Variants in TCP11L1 observed in about 807,000 individuals in gnomAD.
TCP11L1 encodes the protein T-complex protein 11-like protein 1.
In TCP11L1, 28 loss-of-function variants were observed where a neutral mutation model predicts 48.9. The ratio of observed to expected loss-of-function variants is 0.57; its 90% CI spans 0.42 to 0.78. The LOEUF is 0.78. Ranked by LOEUF, TCP11L1 falls within the 30% of genes least tolerant of loss-of-function variation. The pLI is 0.00. For synonymous variants in TCP11L1, 204 were observed against 231.9 expected (o/e 0.88, Z 1.09); for missense variants, 505 against 613.4 (o/e 0.82, Z 1.87).
chr11:33,054,062 C>T (rs113511872), intron 2 of TCP11L1, among the ~76,000 whole-genome samples: 5 of 152,088 alleles, frequency 3.3e-5, no homozygotes, highest in African/African-American at 9.7e-5. Context: ...AATGATCTCT[C>T]GCCTCGGCCT....
rs1249840187 is a variant in TCP11L1, at chr11:33,044,310, ATGTG to A, written c.163+375_163+378del. 2.7e-5 allele frequency among the ~76,000 whole-genome samples: 4 copies of A among 150,124 alleles called. No homozygotes were observed. In the East Asian group the frequency reaches 6.4e-4, roughly 24 times the overall value. On this transcript the variant is annotated intron_variant, in intron 2 of 9. Transcript: ENST00000334274. ...CTGTGCTTGTGCAGGTTAAAAAAAA[ATGTG>A]AGTAAGTTCACCACACCCTAATTCT...
At chr11:33,040,783 T>C in intron 1 of TCP11L1, 1 of 124,066 alleles carries the variant, frequency 8.1e-6, no homozygotes, top group Non-Finnish European at 1.8e-5. Flanking sequence ...CCCCCTCCTC[T>C]CCCCCTCCAG....
chr11:33,071,245 G>A (rs1036590439), intron 9 of TCP11L1, among the ~76,000 whole-genome samples: 1 of 152,020 alleles, frequency 6.6e-6, no homozygotes, highest in Non-Finnish European at 1.5e-5. Flanking sequence ...AACTCGGGAG[G>A]CGGAGGTGTA....
At chr11:33,052,699 A>G (rs1228121091) in intron 2 of TCP11L1, among the ~76,000 whole-genome samples, 3 of 152,160 alleles carry the variant, frequency 2.0e-5, no homozygotes, top group Non-Finnish European at 4.4e-5. Flanking sequence ...TGTTAGAAAT[A>G]CAGATTCTGG....
At chr11:33,061,379 CACT>C in intron 6 of TCP11L1, 148 bp from the exon 7 acceptor site, 1 of 756,256 alleles carries the variant, frequency 1.3e-6, no homozygotes. Context: ...TAGTCATTGG[CACT>C]ACTATGATTT....
intron 2 of TCP11L1, among the ~76,000 whole-genome samples, chr11:33,047,819 T>C (rs1854043431): frequency 6.6e-6 from 1 of 152,226 alleles, no homozygotes; most frequent in Admixed American, 6.5e-5. Flanking sequence ...TAATAAGTAC[T>C]ATGGGTAATC....
chr11:33,056,802 G>A lies in TCP11L1; in HGVS notation c.297-313G>A, dbSNP rs149798553. The A allele has an allele frequency of 6.9e-3, 1,796 of 261,634 alleles. 21 individuals are homozygous for A. The highest frequency in any genetic ancestry group is 0.011 in the Admixed American group (223 of 20,058). 16.2% of individuals were successfully genotyped at this position (261,634 alleles called of 1,614,324 possible). ...ATCTTAGGAAACTTACTAGTAACAGGGAACTAAAATTAACAGCTTTGAACT... is the reference window on the plus strand; with the variant it reads ...ATCTTAGGAAACTTACTAGTAACAGAGAACTAAAATTAACAGCTTTGAACT... On this transcript the variant is annotated intron_variant, in intron 3 of 9. Coordinates refer to ENST00000334274, the MANE Select transcript of TCP11L1 (RefSeq NM_018393.4).
intron 6 of TCP11L1, among the ~76,000 whole-genome samples, chr11:33,060,885 AG>A (rs1290183298): frequency 4.6e-5 from 7 of 152,060 alleles, no homozygotes; most frequent in African/African-American, 1.4e-4. Flanking sequence ...TCAGGATGGG[AG>A]AGAAGGGAAG....
In TCP11L1 at chr11:33,054,620, A is replaced by T. The variant is rs1477324948; in HGVS notation, c.191A>T (p.Glu64Val). 1.9e-6 allele frequency: 3 copies of T among 1,613,620 alleles called. No homozygotes were observed. The South Asian group carries it at 3.3e-5, about 18-fold the overall frequency. Reference protein sequence around the residue: ...HSSPPRFVTVEELLETARGVT... With the variant: ...HSSPPRFVTVVELLETARGVT... ...AGTCCTCCTCGCTTTGTGACAGTAG[A>T]AGAACTTCTAGAGACAGCGAGAGGT... Residue 64 changes from glutamate to valine, a missense_variant, in exon 3 of 10, where the codon GAA (glutamate) becomes GTA (valine). Physicochemically the swap from Glu to Val is moderately radical, Grantham distance 121 (BLOSUM62 -2). This residue lies in a region of TCP11L1 where 168 missense variants were observed against 183.5 expected (regional missense o/e 0.92). Coordinates refer to ENST00000334274, the MANE Select transcript of TCP11L1 (RefSeq NM_018393.4).
chr11:33,044,169 C>T (rs192171218), intron 2 of TCP11L1: 55 of 383,344 alleles, frequency 1.4e-4, no homozygotes, highest in African/African-American at 1.0e-3. Flanking sequence ...CTGTCTTTCT[C>T]CAGCCTCAGT....
At chr11:33,042,170 G>A (rs7125222) in intron 1 of TCP11L1, among the ~76,000 whole-genome samples, 61,942 of 151,916 alleles carry the variant, frequency 0.41, 12,808 homozygotes, top group African/African-American at 0.46. Context: ...TCAGTCTGTT[G>A]CCCAGGCTGG....
chr11:33,071,091 G>A (rs1402771198), intron 9 of TCP11L1, among the ~76,000 whole-genome samples: 1 of 151,628 alleles, frequency 6.6e-6, no homozygotes, highest in African/African-American at 2.4e-5. Flanking sequence ...GGGGCAGACG[G>A]ATCACTTGAG....
rs1225160661 is a variant in TCP11L1 at position 33,043,900 on chromosome 11, G to T, written c.127G>T (p.Asp43Tyr). The change falls in exon 2 of 10, where the codon GAC becomes TAC. Residue 43 changes from aspartate to tyrosine, a missense_variant. Asp to Tyr is a radical substitution (Grantham distance 160). Coordinates refer to ENST00000334274, the MANE Select transcript of TCP11L1 (RefSeq NM_018393.4). ...DEALQKAIKS[D>Y]SSSPQRVQRP... The stretch of plus-strand genomic sequence containing the variant: ...AGCCTTACAAAAAGCAATAAAGTCA[G>T]ACTCCTCCAGCCCCCAAAGAGTGCA... The T allele has an allele frequency of 6.2e-7, 1 of 1,613,428 alleles. No homozygotes were observed. Among genetic ancestry groups the T allele is most frequent in the Non-Finnish European group, 8.5e-7 (1 of 1,179,834 alleles).
At chr11:33,059,185 CA>C in intron 6 of TCP11L1, 90 bp downstream of exon 6, 2 of 1,514,222 alleles carry the variant, frequency 1.3e-6, no homozygotes, top group South Asian at 1.3e-5. Flanking sequence ...ATTTTCAGAA[CA>C]AAACTAAAAT....
intron 7 of TCP11L1, among the ~76,000 whole-genome samples, chr11:33,063,567 GA>G (rs1370465140): frequency 1.3e-5 from 2 of 152,152 alleles, no homozygotes; most frequent in Non-Finnish European, 2.9e-5. Context: ...CTTCCATGCT[GA>G]ACAATATTTT....
chr11:33,044,509 C>A (rs1204556683), intron 2 of TCP11L1, among the ~76,000 whole-genome samples: 6 of 152,160 alleles, frequency 3.9e-5, no homozygotes, highest in Non-Finnish European at 8.8e-5. Flanking sequence ...TGAAGAGTAC[C>A]TTAAGCATTT....
chr11:33,050,045 A>G (rs918740708), intron 2 of TCP11L1, among the ~76,000 whole-genome samples: 12 of 150,534 alleles, frequency 8.0e-5, no homozygotes, highest in African/African-American at 2.9e-4. Flanking sequence ...ATGACTTTTA[A>G]CAAGCATACT....
At chr11:33,069,240 G>C (rs1440943724) in intron 9 of TCP11L1, among the ~76,000 whole-genome samples, 1 of 152,194 alleles carries the variant, frequency 6.6e-6, no homozygotes, top group Non-Finnish European at 1.5e-5. Flanking sequence ...GCAGCACATA[G>C]TAAGTGCTCA....
At chr11:33,060,457 G>T (rs1854437046) in intron 6 of TCP11L1, among the ~76,000 whole-genome samples, 1 of 152,168 alleles carries the variant, frequency 6.6e-6, no homozygotes, top group African/African-American at 2.4e-5. Flanking sequence ...CCCTGCCCCA[G>T]TGAAGAGCAA....
Sources: gnomAD v4.1 joint callset for allele counts (sites outside exome capture counted in the v4.1 genomes callset) on GRCh38, gnomAD v4.1.1 for gene constraint, gnomAD v4.1.1 regional missense constraint, MANE v1.5 for transcripts, NCBI Gene and HGNC (gene_info 2026-07-23, HGNC 2026-07-21) for gene names.